The following EFCAB14 variants were observed in gnomAD, a reference collection of about 807,000 sequenced individuals.
EFCAB14 encodes EF-hand calcium-binding domain-containing protein 14.
Under a neutral mutation model 56.5 loss-of-function variants are expected in EFCAB14, and 43 were observed. That is an observed-to-expected ratio of 0.76 (90% CI 0.60 to 0.98). The LOEUF (loss-of-function observed/expected upper bound fraction) is 0.98. Among genes scored for constraint, EFCAB14 ranks in the 50% least tolerant of loss-of-function variants. The pLI, the probability that EFCAB14 is intolerant of heterozygous loss-of-function variation, is 0.00. For synonymous variants in EFCAB14, 235 were observed against 212.9 expected (o/e 1.10, Z -0.90); for missense variants, 538 against 580.3 (o/e 0.93, Z 0.75).
intron 3 of EFCAB14, among the ~76,000 whole-genome samples, chr1:46,704,193 G>A (rs1188267351): frequency 6.6e-6 from 1 of 151,532 alleles, no homozygotes; most frequent in Admixed American, 6.6e-5. Flanking sequence ...TGGCTCACAT[G>A]TGTAATCCCA....
chr1:46,713,163 T>C (rs373664115), intron 2 of EFCAB14, among the ~76,000 whole-genome samples: 1 of 150,700 alleles, frequency 6.6e-6, no homozygotes, highest in African/African-American at 2.4e-5. Context: ...TAGTCTATGA[T>C]GGTTTAGCCT....
intron 2 of EFCAB14, among the ~76,000 whole-genome samples, chr1:46,708,327 C>T (rs1677261871): frequency 6.6e-6 from 1 of 152,164 alleles, no homozygotes; most frequent in Non-Finnish European, 1.5e-5. Flanking sequence ...AATTTTGTGA[C>T]TCACTATGAT....
At chr1:46,706,198 T>C (rs1443930364) in intron 3 of EFCAB14, among the ~76,000 whole-genome samples, 1 of 152,174 alleles carries the variant, frequency 6.6e-6, no homozygotes. Context: ...TAGCCTATGA[T>C]AAAACTGGTT....
rs1676713102 is a variant in EFCAB14, at chr1:46,677,427, C to G, written c.*1034G>C. 1 of 152,052 alleles carries G rather than the reference C, an allele frequency of 6.6e-6. No individual in the cohort carries two copies. Among genetic ancestry groups the G allele is most frequent in the Non-Finnish European group, 1.5e-5 (1 of 68,020 alleles). 9.4% of individuals were successfully genotyped at this position (152,052 alleles called of 1,614,324 possible). A position where few individuals can be genotyped will look rare whatever the true frequency, so the allele number is the denominator to read the frequency against. On this transcript the variant is annotated 3_prime_UTR_variant, in exon 11 of 11. Transcript: ENST00000371933. Reference sequence around the variant, plus strand: ...CTTGGTTAGCCTCTAGGTAAAATCTCAAGGGGTATGGTTTTCTGGGTCAAA... The same window carrying G: ...CTTGGTTAGCCTCTAGGTAAAATCTGAAGGGGTATGGTTTTCTGGGTCAAA...
At chr1:46,699,125 T>C (rs1677118050) in intron 3 of EFCAB14, among the ~76,000 whole-genome samples, 1 of 151,774 alleles carries the variant, frequency 6.6e-6, no homozygotes, top group Admixed American at 6.6e-5. Flanking sequence ...AAGGCAAGAG[T>C]ACATTAAAGA....
At chr1:46,696,427 T>C (rs1677078309) in intron 4 of EFCAB14, 124 bp downstream of exon 4, 2 of 923,872 alleles carry the variant, frequency 2.2e-6, no homozygotes, top group Non-Finnish European at 3.4e-6. Flanking sequence ...ACTGCCCTCT[T>C]GGAGCAGCTG....
chr1:46,682,996 TG>T (rs1421989401), intron 10 of EFCAB14, among the ~76,000 whole-genome samples: 1 of 144,996 alleles, frequency 6.9e-6, no homozygotes, highest in East Asian at 2.1e-4. Context: ...CACTCCAGCC[TG>T]GGGGTCTAAA....
At position 46,676,929 on chromosome 1, in the gene EFCAB14, C is replaced by T. The variant is rs191925486; in HGVS notation, c.*1532G>A. 4.6e-5 allele frequency: 7 copies of T among 152,478 alleles called. No homozygotes were observed. Among genetic ancestry groups the T allele is most frequent in the Admixed American group, 2.6e-4 (4 of 15,256 alleles). 9.4% of individuals were successfully genotyped at this position (152,478 alleles called of 1,614,324 possible). On this transcript the variant is annotated 3_prime_UTR_variant, in exon 11 of 11. Transcript: ENST00000371933. ...ACCGGACTGTATCCATGGTGAAGGG[C>T]AACCTGAACAAAGTTAAAAAGGAAA...
At chr1:46,703,721 G>A (rs1331314143) in intron 3 of EFCAB14, among the ~76,000 whole-genome samples, 1 of 152,116 alleles carries the variant, frequency 6.6e-6, no homozygotes, top group East Asian at 1.9e-4. Context: ...TTGTGAAAAA[G>A]ACACTGTTTA....
At chr1:46,684,367 C>T (rs2241864) in intron 9 of EFCAB14, 124 bp downstream of exon 9, 36,089 of 705,332 alleles carry the variant, frequency 0.051, 4,265 homozygotes, top group East Asian at 0.39. Context: ...AGCTTCATCT[C>T]GGTGCGTTCA....
chr1:46,718,108 G>A lies in EFCAB14; in HGVS notation c.-21C>T, dbSNP rs770842814. 18 of 1,610,188 alleles carry A rather than the reference G, an allele frequency of 1.1e-5. No homozygotes were observed. Among genetic ancestry groups the A allele is most frequent in the African/African-American group, 9.4e-5 (7 of 74,782 alleles). ...TTCATCTTTTTGTGTGGGGTGAGTG[G>A]AGCCCCGACTCCTGAGCTGCCAGGT... is the stretch of plus-strand genomic sequence containing the variant. On this transcript the variant is annotated 5_prime_UTR_variant, in exon 1 of 11. Transcript: ENST00000371933.
At chr1:46,690,835 T>C (rs755670337) in intron 5 of EFCAB14, among the ~76,000 whole-genome samples, 24 of 151,142 alleles carry the variant, frequency 1.6e-4, no homozygotes, top group Non-Finnish European at 2.8e-4. Context: ...CTCTCTAATA[T>C]AGCCCAGGTC....
At chr1:46,717,371 A>G (rs954810661) in intron 1 of EFCAB14, among the ~76,000 whole-genome samples, 6 of 152,072 alleles carry the variant, frequency 3.9e-5, no homozygotes, top group African/African-American at 1.4e-4. Context: ...TGATTTGCCT[A>G]GTGGTCTCTC....
At chr1:46,690,044 C>T (rs755727437) in intron 5 of EFCAB14, among the ~76,000 whole-genome samples, 6 of 152,194 alleles carry the variant, frequency 3.9e-5, no homozygotes, top group Admixed American at 1.3e-4. Flanking sequence ...GGGACCAACT[C>T]GGTCTCAACC....
intron 2 of EFCAB14, among the ~76,000 whole-genome samples, chr1:46,711,002 C>G (rs1247857799): frequency 1.3e-5 from 2 of 152,110 alleles, no homozygotes; most frequent in African/African-American, 2.4e-5. Context: ...GAATAGTATT[C>G]TACTGTGTAT....
At chr1:46,700,103 T>G (rs1210389008) in intron 3 of EFCAB14, among the ~76,000 whole-genome samples, 1 of 152,216 alleles carries the variant, frequency 6.6e-6, no homozygotes, top group Non-Finnish European at 1.5e-5. Flanking sequence ...CCAGAACCAG[T>G]CTGCTAAGCT....
chr1:46,679,599 GTTTTTT>G (rs60875639), intron 10 of EFCAB14, among the ~76,000 whole-genome samples: 779 of 36,386 alleles, frequency 0.021, 17 homozygotes, highest in African/African-American at 0.076. Flanking sequence ...CACCACGCCT[GTTTTTT>G]TTTTTTTTTT....
At chr1:46,692,052 G>T in intron 4 of EFCAB14, 115 bp from the exon 5 acceptor site, 2 of 703,402 alleles carry the variant, frequency 2.8e-6, no homozygotes, top group Non-Finnish European at 4.6e-6. Context: ...AAACAATTGT[G>T]AAACCAGTAC....
rs1471383907 is a variant in EFCAB14, at chr1:46,717,891, A to G, written c.185+12T>C. Reference sequence around the variant, plus strand: ...ATGCCTTCTTCCCATTCCACCTTTCACCACTACTCACTTGGCAAAGCGAGA... The same window carrying G: ...ATGCCTTCTTCCCATTCCACCTTTCGCCACTACTCACTTGGCAAAGCGAGA... On this transcript the variant is annotated intron_variant, in intron 1 of 10. Transcript: ENST00000371933. 2 of 1,608,866 alleles carry G rather than the reference A, an allele frequency of 1.2e-6. No individual in the cohort carries two copies. Among genetic ancestry groups the G allele is most frequent in the Admixed American group, 3.3e-5 (2 of 59,844 alleles).
Sources: allele counts gnomAD v4.1 joint callset (sites outside exome capture counted in the v4.1 genomes callset), GRCh38; gene constraint gnomAD v4.1.1; transcripts MANE v1.5; gene names NCBI Gene and HGNC (gene_info 2026-07-23, HGNC 2026-07-21).